CDK17: variants seen among roughly 807,000 people sequenced by gnomAD.
CDK17 encodes the protein cyclin-dependent kinase 17.
Under a neutral mutation model 77.6 loss-of-function variants are expected in CDK17, and 24 were observed. The observed-to-expected ratio is 0.31, with a 90% CI of 0.22 to 0.44. CDK17 has a LOEUF of 0.44. CDK17 is among the 20% of genes least tolerant of loss of function. The pLI, the probability that CDK17 is intolerant of heterozygous loss-of-function variation, is 1.00. For missense variants in CDK17, 429 were observed against 622.5 expected, an observed-to-expected ratio of 0.69 and a Z score of 3.31; for synonymous variants, 203 against 210.4, an observed-to-expected ratio of 0.96 and a Z score of 0.30.
chr12:96,318,965 G>A (rs1216376852), intron 3 of CDK17, among the ~76,000 whole-genome samples: 1 of 145,794 alleles, frequency 6.9e-6, no homozygotes, highest in African/African-American at 2.6e-5. Flanking sequence ...AGAACTGAAG[G>A]AAATAGAGAC....
chr12:96,348,748 C>T (rs143172369), intron 1 of CDK17, among the ~76,000 whole-genome samples: 2 of 152,134 alleles, frequency 1.3e-5, no homozygotes, highest in East Asian at 3.9e-4. Flanking sequence ...TACAAACACA[C>T]AAACCAGCAA....
At position 96,353,195 on chromosome 12, in the gene CDK17, A is replaced by C. The variant is rs142405759; in HGVS notation, c.-29-18330T>G. Among the ~76,000 whole-genome samples, 573 of 152,332 alleles carry C rather than the reference A, an allele frequency of 3.8e-3. 4 individuals are homozygous for C. Among genetic ancestry groups the C allele is most frequent in the African/African-American group, 0.013 (550 of 41,564 alleles). ...ATATAAATACATTCACATGAATTCC[A>C]TCAGGCCATACATGCTGTTTCATAG... On this transcript the variant is annotated intron_variant, in intron 1 of 16. Coordinates refer to ENST00000261211, the MANE Select transcript of CDK17 (RefSeq NM_002595.5).
At chr12:96,341,385 T>C (rs144566646) in intron 1 of CDK17, among the ~76,000 whole-genome samples, 1 of 152,000 alleles carries the variant, frequency 6.6e-6, no homozygotes, top group African/African-American at 2.4e-5. Context: ...AACTAATGTT[T>C]TTCTAGATGT....
intron 1 of CDK17, among the ~76,000 whole-genome samples, chr12:96,367,874 C>T (rs1033815255): frequency 2.0e-5 from 3 of 151,324 alleles, no homozygotes; most frequent in African/African-American, 7.3e-5. Context: ...AAAAAAAATC[C>T]CTTATAGTGA....
At chr12:96,384,075 T>C (rs1013272584) in intron 1 of CDK17, among the ~76,000 whole-genome samples, 2 of 151,848 alleles carry the variant, frequency 1.3e-5, no homozygotes, top group Non-Finnish European at 2.9e-5. Context: ...AAAAATCCCA[T>C]TAAGAAGTAG....
intron 1 of CDK17, among the ~76,000 whole-genome samples, chr12:96,380,674 T>G (rs949067911): frequency 1.4e-4 from 21 of 152,316 alleles, no homozygotes; most frequent in Non-Finnish European, 1.5e-5. Flanking sequence ...CCATTTAACT[T>G]GCAGAAGTTC....
chr12:96,343,700 A>G (rs1474392127), intron 1 of CDK17, among the ~76,000 whole-genome samples: 2 of 152,248 alleles, frequency 1.3e-5, no homozygotes, highest in East Asian at 3.8e-4. Flanking sequence ...TTGGAAAGTC[A>G]CAAAGGGATG....
chr12:96,286,195 T>C, intron 12 of CDK17, 47 bp from the exon 13 acceptor site: 5 of 480,210 alleles, frequency 1.0e-5, no homozygotes, highest in Non-Finnish European at 1.6e-5. Context: ...ATATATAAAA[T>C]TTATATATAA....
rs553955393 is a variant in CDK17 at position 96,300,166 on chromosome 12, A to G, written c.600+138T>C. 3.4e-4 allele frequency: 218 copies of G among 632,308 alleles called. 1 individual carries two copies. The South Asian group carries it at 4.0e-3, about 12-fold the overall frequency. 39.2% of individuals were successfully genotyped at this position (632,308 alleles called of 1,614,324 possible). ...GACTCTAACTCCTAGAAACTCTGTT[A>G]CCTTTCCAGAACAAGTATATAATCT... On this transcript the variant is annotated intron_variant, in intron 6 of 16. Transcript: ENST00000261211.
At chr12:96,299,634 C>A (rs1952468600) in intron 6 of CDK17, among the ~76,000 whole-genome samples, 1 of 152,162 alleles carries the variant, frequency 6.6e-6, no homozygotes, top group South Asian at 2.1e-4. Context: ...CGTGATTCAC[C>A]CGCCTTGGCC....
chr12:96,305,726 T>C (rs913156824), intron 5 of CDK17, among the ~76,000 whole-genome samples: 2 of 148,074 alleles, frequency 1.4e-5, no homozygotes, highest in African/African-American at 4.9e-5. Context: ...GGCCACCCCC[T>C]TTTTTTTTGA....
At chr12:96,347,043 C>CAA (rs1189916935) in intron 1 of CDK17, among the ~76,000 whole-genome samples, 3 of 151,924 alleles carry the variant, frequency 2.0e-5, no homozygotes, top group Non-Finnish European at 4.4e-5. Context: ...TTTTGTCAGA[C>CAA]AAAACAGAGT....
chr12:96,358,370 TAAAAAAAAAAA>T (rs35899533), intron 1 of CDK17, among the ~76,000 whole-genome samples: 4 of 35,182 alleles, frequency 1.1e-4, no homozygotes, highest in East Asian at 7.1e-4. Context: ...TGCAAACTTG[TAAAAAAAAAAA>T]AAAAAAAAAA....
chr12:96,304,552 G>A (rs895808025), intron 5 of CDK17, among the ~76,000 whole-genome samples: 2 of 148,360 alleles, frequency 1.3e-5, no homozygotes, highest in African/African-American at 2.5e-5. Flanking sequence ...CAACAAAAAA[G>A]AAACAGCAGG....
chr12:96,286,627 G>T, intron 12 of CDK17, 37 bp downstream of exon 12: 1 of 1,418,518 alleles, frequency 7.0e-7, no homozygotes, highest in Non-Finnish European at 1.0e-6. Context: ...AGTCAATTAT[G>T]GGTGCAAAAT....
At chr12:96,367,616 T>C (rs1022947499) in intron 1 of CDK17, among the ~76,000 whole-genome samples, 3 of 152,106 alleles carry the variant, frequency 2.0e-5, no homozygotes, top group African/African-American at 2.4e-5. Flanking sequence ...GTCCCTCTTA[T>C]CAATCCAGTA....
chr12:96,372,856 T>C lies in CDK17; in HGVS notation c.-30+27130A>G, dbSNP rs567546745. Among the ~76,000 whole-genome samples, 6 of 152,300 alleles carry C rather than the reference T, an allele frequency of 3.9e-5. No homozygotes were observed. The South Asian group carries it at 1.2e-3, about 32-fold the overall frequency. ...TGTTGAAAGATTTCCTATGAGGATA[T>C]AGAAAAGCATTTTAAAACAGTAATA... On this transcript the variant is annotated intron_variant, in intron 1 of 16. Coordinates refer to ENST00000261211, the MANE Select transcript of CDK17 (RefSeq NM_002595.5).
At chr12:96,327,926 T>C (rs1048178589) in intron 2 of CDK17, among the ~76,000 whole-genome samples, 4 of 152,198 alleles carry the variant, frequency 2.6e-5, no homozygotes, top group Non-Finnish European at 5.9e-5. Context: ...ATAACTGGAA[T>C]TGTGTATCAG....
intron 1 of CDK17, among the ~76,000 whole-genome samples, chr12:96,337,148 T>C (rs1953052336): frequency 6.6e-6 from 1 of 152,092 alleles, no homozygotes; most frequent in South Asian, 2.1e-4. Context: ...TGAGACTGAG[T>C]TTCAGACACT....
Sources: gnomAD v4.1 joint callset for allele counts (sites outside exome capture counted in the v4.1 genomes callset) on GRCh38, gnomAD v4.1.1 for gene constraint, MANE v1.5 for transcripts, NCBI Gene and HGNC (gene_info 2026-07-23, HGNC 2026-07-21) for gene names.